Variants in CSMD1 observed in about 807,000 individuals in gnomAD.
The protein encoded by CSMD1 is CUB and Sushi multiple domains 1, also known as CUB and sushi domain-containing protein 1.
Under a neutral mutation model 417.5 loss-of-function variants are expected in CSMD1, and 213 were observed. That is an observed-to-expected ratio of 0.51 (90% confidence interval 0.46 to 0.57). The LOEUF is 0.57. Ranked by LOEUF, CSMD1 falls within the 20% of genes least tolerant of loss-of-function variation. The probability of loss-of-function intolerance (pLI) is 0.00; values close to 1 mark genes in which losing one functional copy is unlikely to be tolerated. For synonymous variants in CSMD1, 2,862 were observed against 1,736.8 expected, an observed-to-expected ratio of 1.65 and a Z score of -16.11; for missense variants, 6,923 against 4,529.7, an observed-to-expected ratio of 1.53 and a Z score of -15.17.
chr8:3,892,675 G>A (rs1036985280), intron 5 of CSMD1, among the ~76,000 whole-genome samples: 2 of 150,588 alleles, frequency 1.3e-5, no homozygotes, highest in Non-Finnish European at 2.9e-5. Context: ...CTGGGTTCAA[G>A]GTGAATTAAG....
chr8:4,327,669 G>A (rs1356938557), intron 3 of CSMD1, among the ~76,000 whole-genome samples: 1 of 152,176 alleles, frequency 6.6e-6, no homozygotes, highest in African/African-American at 2.4e-5. Context: ...CACGATGCAT[G>A]TTTCTAGAAT....
chr8:3,702,838 C>G (rs1800945781), intron 7 of CSMD1, among the ~76,000 whole-genome samples: 2 of 152,172 alleles, frequency 1.3e-5, no homozygotes, highest in East Asian at 3.9e-4. Context: ...CAATAACAAA[C>G]AAATATATAC....
intron 7 of CSMD1, among the ~76,000 whole-genome samples, chr8:3,628,345 C>A (rs150233644): frequency 1.2e-4 from 19 of 152,158 alleles, no homozygotes; most frequent in Admixed American, 6.5e-5. Flanking sequence ...CCACACCGGC[C>A]GAGGGTGACC....
chr8:4,799,598 CAAAAAAAAAAA>C (rs1168273531), intron 1 of CSMD1, among the ~76,000 whole-genome samples: 19 of 47,170 alleles, frequency 4.0e-4, no homozygotes, highest in Middle Eastern at 0.067. Flanking sequence ...GACTCCGTCT[CAAAAAAAAAAA>C]AAAAAAAAAA....
chr8:3,457,506 T>C (rs1164949141), intron 12 of CSMD1, among the ~76,000 whole-genome samples: 6 of 152,142 alleles, frequency 3.9e-5, no homozygotes, highest in Non-Finnish European at 8.8e-5. Flanking sequence ...TGGAGCTGAG[T>C]CATCAAAACC....
At chr8:3,786,846 G>A (rs1799482656) in intron 5 of CSMD1, among the ~76,000 whole-genome samples, 1 of 152,028 alleles carries the variant, frequency 6.6e-6, no homozygotes, top group Non-Finnish European at 1.5e-5. Flanking sequence ...TTGTTATAAA[G>A]GCACTAATCA....
rs935355362 is a variant in CSMD1, at chr8:3,498,459, G to C, written c.1345-4733C>G. ...AATTGTCTTTGACTTTTGATAGTTT[G>C]ATTATAATGCTCTTTGGAGAGCATC... On this transcript the variant is annotated intron_variant, in intron 10 of 69. Transcript: ENST00000635120. Among the ~76,000 whole-genome samples, 3 of 152,292 alleles carry C rather than the reference G, an allele frequency of 2.0e-5. No individual in the cohort carries two copies. In the South Asian group the frequency reaches 6.2e-4, roughly 32 times the overall value.
At chr8:3,478,287 A>T (rs1817541798) in intron 11 of CSMD1, among the ~76,000 whole-genome samples, 1 of 152,256 alleles carries the variant, frequency 6.6e-6, no homozygotes, top group African/African-American at 2.4e-5. Flanking sequence ...ATGTAATCCA[A>T]ACCTCTTGAT....
At chr8:4,331,906 C>T (rs1401953797) in intron 3 of CSMD1, among the ~76,000 whole-genome samples, 3 of 152,054 alleles carry the variant, frequency 2.0e-5, no homozygotes, top group Non-Finnish European at 2.9e-5. Flanking sequence ...ATGGAAAAGC[C>T]CACATCGTAA....
At chr8:4,470,824 G>A (rs185091902) in intron 2 of CSMD1, among the ~76,000 whole-genome samples, 6 of 152,138 alleles carry the variant, frequency 3.9e-5, no homozygotes, top group South Asian at 4.1e-4. Context: ...TATCTGAATC[G>A]ATGTTGTCTC....
chr8:3,665,837 G>A (rs1043351050), intron 7 of CSMD1, among the ~76,000 whole-genome samples: 1 of 152,130 alleles, frequency 6.6e-6, no homozygotes, highest in African/African-American at 2.4e-5. Context: ...CCAAGGCTTA[G>A]GCTCCTGCAT....
At chr8:3,348,367 A>G (rs977051282) in intron 21 of CSMD1, among the ~76,000 whole-genome samples, 13 of 152,158 alleles carry the variant, frequency 8.5e-5, no homozygotes, top group Admixed American at 7.9e-4. Context: ...CATTTTGAAA[A>G]TTGTCTTATT....
At chr8:4,450,534 C>G (rs1024517342) in intron 2 of CSMD1, among the ~76,000 whole-genome samples, 19 of 152,174 alleles carry the variant, frequency 1.2e-4, no homozygotes, top group African/African-American at 4.6e-4. Context: ...ACTTGGGAGG[C>G]TGAGGCACGG....
chr8:3,518,044 T>C (rs1274583487), intron 10 of CSMD1, among the ~76,000 whole-genome samples: 2 of 152,118 alleles, frequency 1.3e-5, no homozygotes, highest in African/African-American at 2.4e-5. Context: ...CTCAAGAAGA[T>C]TTATCATCAG....
chr8:4,405,990 G>T (rs993055689), intron 3 of CSMD1, among the ~76,000 whole-genome samples: 9 of 152,184 alleles, frequency 5.9e-5, no homozygotes, highest in Non-Finnish European at 8.8e-5. Context: ...AGACATGGCT[G>T]TGACGAGTGA....
chr8:4,158,266 A>C (rs987767606), intron 3 of CSMD1, among the ~76,000 whole-genome samples: 1 of 152,038 alleles, frequency 6.6e-6, no homozygotes, highest in East Asian at 1.9e-4. Context: ...CTCTGCAGAC[A>C]TCGGGAAGAC....
intron 3 of CSMD1, among the ~76,000 whole-genome samples, chr8:4,332,237 G>A (rs368266934): frequency 1.3e-5 from 2 of 152,054 alleles, no homozygotes; most frequent in African/African-American, 4.8e-5. Context: ...GCTAACGCTA[G>A]CCATTGCCAC....
At chr8:4,560,399 TTTTCCTACACAAA>T (rs1798276498) in intron 2 of CSMD1, among the ~76,000 whole-genome samples, 1 of 152,220 alleles carries the variant, frequency 6.6e-6, no homozygotes, top group African/African-American at 2.4e-5. Flanking sequence ...AGTCCTTGCC[TTTTCCTACACAAA>T]AGATCATGTC....
chr8:4,355,947 T>C (rs1044551926), intron 3 of CSMD1, among the ~76,000 whole-genome samples: 4 of 152,164 alleles, frequency 2.6e-5, no homozygotes, highest in Admixed American at 6.5e-5. Flanking sequence ...GTTTGTAGAA[T>C]TGCATTTTTT....
Sources: allele counts gnomAD v4.1 joint callset (sites outside exome capture counted in the v4.1 genomes callset), GRCh38; gene constraint gnomAD v4.1.1; transcripts MANE v1.5; gene names NCBI Gene and HGNC (gene_info 2026-07-23, HGNC 2026-07-21).